EFR3B: variants seen among roughly 807,000 people sequenced by gnomAD.
EFR3B encodes EFR3 homolog B, also known as protein EFR3 homolog B.
EFR3B carries 64 observed loss-of-function variants against 104.7 expected under a neutral mutation model. That is an observed-to-expected ratio of 0.61 (90% CI 0.50 to 0.75). The LOEUF (loss-of-function observed/expected upper bound fraction) is 0.75, where lower values mean the gene tolerates loss of function less well. Ranked by LOEUF, EFR3B falls within the 30% of genes least tolerant of loss-of-function variation. The probability of loss-of-function intolerance (pLI) is 0.00; values close to 1 mark genes in which losing one functional copy is unlikely to be tolerated. For synonymous variants in EFR3B, 385 were observed against 417.9 expected, an observed-to-expected ratio of 0.92 and a Z score of 0.96; for missense variants, 750 against 1,078.5, an observed-to-expected ratio of 0.70 and a Z score of 4.27.
At chr2:25,088,174 G>A (rs1669012985) in intron 1 of EFR3B, among the ~76,000 whole-genome samples, 1 of 152,104 alleles carries the variant, frequency 6.6e-6, no homozygotes, top group African/African-American at 2.4e-5. Context: ...CAAGTCCCAT[G>A]GATTCTCTCC....
chr2:25,061,301 C>T (rs568154513), intron 1 of EFR3B, among the ~76,000 whole-genome samples: 4 of 151,700 alleles, frequency 2.6e-5, no homozygotes, highest in South Asian at 2.1e-4. Context: ...TTGGTAGAGA[C>T]GGGGTTTCAC....
At chr2:25,091,489 G>A (rs577458263) in intron 2 of EFR3B, 88 bp downstream of exon 2, 27 of 1,228,518 alleles carry the variant, frequency 2.2e-5, no homozygotes, top group Middle Eastern at 2.7e-4. Flanking sequence ...GCCTCCTGCC[G>A]GGTGGGGAAG....
intron 22 of EFR3B, 42 bp downstream of exon 22, chr2:25,153,803 C>T (rs1166003818): frequency 1.3e-6 from 2 of 1,546,918 alleles, no homozygotes; most frequent in South Asian, 1.2e-5. Flanking sequence ...CCTCCGTGGC[C>T]CAGTATTGGG....
At position 25,143,777 on chromosome 2, in the gene EFR3B, C is replaced by T. The variant is rs1046325909; in HGVS notation, c.1965C>T (p.Phe655=). The stretch of plus-strand genomic sequence containing the variant: ...ATGGGGTGGTCATTGAGCTCCTCTT[C>T]CGCCAGAGCAAGATCAGTGAAGTCC... ...NLDGVVIELL[F]RQSKISEVLG... The change falls in exon 18 of 23, where the codon TTC becomes TTT. Residue 655 remains phenylalanine (F), a synonymous_variant. Transcript: ENST00000403714. 1 of 1,551,656 alleles carries T rather than the reference C, an allele frequency of 6.4e-7. No individual in the cohort carries two copies. The highest frequency in any genetic ancestry group is 1.2e-5 in the South Asian group (1 of 84,052).
intron 5 of EFR3B, among the ~76,000 whole-genome samples, chr2:25,126,577 C>G (rs928114447): frequency 6.6e-6 from 1 of 152,072 alleles, no homozygotes; most frequent in African/African-American, 2.4e-5. Flanking sequence ...CCAGGCTGTT[C>G]TCAAACTCCT....
chr2:25,123,956 C>T (rs1670091265), intron 5 of EFR3B, among the ~76,000 whole-genome samples: 1 of 152,214 alleles, frequency 6.6e-6, no homozygotes. Context: ...GCCATTACAC[C>T]CACAGGCTGG....
chr2:25,081,275 T>C, intron 1 of EFR3B: 1 of 1,053,734 alleles, frequency 9.5e-7, no homozygotes, highest in Non-Finnish European at 1.5e-6. Flanking sequence ...CAAATGTTCC[T>C]TTTCCTCGAC....
Position 25,156,287 on chromosome 2 carries a change from C to CTTT in EFR3B, c.*1949_*1950insTTT, listed in dbSNP as rs1553399103. ...TGCTGTGGGCACACAGCTTCTTTTT[C>CTTT]TTGTTTTTTTTTTTTTTTTTTTTTT... On this transcript the variant is annotated 3_prime_UTR_variant, in exon 23 of 23. Transcript: ENST00000403714. The CTTT allele has an allele frequency of 2.1e-5, 2 of 97,244 alleles. No homozygotes were observed. The highest frequency in any genetic ancestry group is 6.5e-4 in the South Asian group (2 of 3,082). The allele number at this position is 97,244 out of a possible 1,614,324, so 6.0% of individuals were successfully genotyped here.
intron 4 of EFR3B, among the ~76,000 whole-genome samples, chr2:25,107,099 A>T (rs1669585390): frequency 6.6e-6 from 1 of 152,168 alleles, no homozygotes; most frequent in Non-Finnish European, 1.5e-5. Flanking sequence ...CGCTGGCTTT[A>T]GACAGTGATT....
chr2:25,053,121 T>C (rs1667925709), intron 1 of EFR3B, among the ~76,000 whole-genome samples: 1 of 152,132 alleles, frequency 6.6e-6, no homozygotes, highest in Non-Finnish European at 1.5e-5. Context: ...TATTTCAGAC[T>C]CATGTGTTAT....
At chr2:25,143,443 G>A (rs948733525) in intron 17 of EFR3B, among the ~76,000 whole-genome samples, 6 of 152,092 alleles carry the variant, frequency 3.9e-5, no homozygotes, top group East Asian at 1.9e-4. Flanking sequence ...TGGATCACCC[G>A]AGGTCAGGAG....
chr2:25,111,560 A>G (rs1000302477), intron 4 of EFR3B, among the ~76,000 whole-genome samples: 3 of 152,154 alleles, frequency 2.0e-5, no homozygotes, highest in Admixed American at 6.5e-5. Flanking sequence ...AATCCCTGGA[A>G]CCTGTGAATG....
chr2:25,135,027 C>T (rs1236703383), intron 12 of EFR3B, among the ~76,000 whole-genome samples: 3 of 152,110 alleles, frequency 2.0e-5, no homozygotes, highest in South Asian at 2.1e-4. Flanking sequence ...TGGTGGTTGC[C>T]GTGTGTGTGA....
chr2:25,096,728 C>T (rs1318087780), intron 3 of EFR3B, among the ~76,000 whole-genome samples: 1 of 152,132 alleles, frequency 6.6e-6, no homozygotes, highest in African/African-American at 2.4e-5. Context: ...CCCATCAGCC[C>T]CACTGCCGTC....
intron 1 of EFR3B, among the ~76,000 whole-genome samples, chr2:25,069,708 T>C (rs750482296): frequency 6.6e-5 from 10 of 152,226 alleles, no homozygotes; most frequent in South Asian, 6.2e-4. Flanking sequence ...AGTAACTTTT[T>C]GTTTTTGAGA....
intron 4 of EFR3B, among the ~76,000 whole-genome samples, chr2:25,110,728 A>G: frequency 6.6e-6 from 1 of 152,242 alleles, no homozygotes; most frequent in East Asian, 1.9e-4. Flanking sequence ...CATAACTACG[A>G]AATGCCATTA....
chr2:25,092,053 C>G (rs1669140644), intron 2 of EFR3B, among the ~76,000 whole-genome samples: 1 of 151,708 alleles, frequency 6.6e-6, no homozygotes, highest in Non-Finnish European at 1.5e-5. Context: ...GCCGGCTATC[C>G]AACATGCTTT....
At chr2:25,145,471 T>A (rs1180490953) in intron 19 of EFR3B, 2 of 215,084 alleles carry the variant, frequency 9.3e-6, no homozygotes, top group Non-Finnish European at 1.8e-5. Context: ...GTACTCAGGA[T>A]GCTGAGGTGG....
chr2:25,079,902 C>A lies in EFR3B; in HGVS notation c.8-11423C>A. 2.2e-6 allele frequency: 3 copies of A among 1,366,158 alleles called. No homozygotes were observed. The South Asian group carries it at 3.5e-5, about 16-fold the overall frequency. 84.6% of individuals were successfully genotyped at this position (1,366,158 alleles called of 1,614,324 possible). ...TCAGCCATCCTCTGGGTTTTCAGAT[C>A]ATATTGGCAACTGAAATTTCACATC... is the stretch of plus-strand genomic sequence containing the variant. On this transcript the variant is annotated intron_variant, in intron 1 of 22. Transcript: ENST00000403714.
Sources: allele counts gnomAD v4.1 joint callset (sites outside exome capture counted in the v4.1 genomes callset), GRCh38; gene constraint gnomAD v4.1.1; transcripts MANE v1.5; gene names NCBI Gene and HGNC (gene_info 2026-07-23, HGNC 2026-07-21).